TIGIT: variants seen among roughly 807,000 people sequenced by gnomAD.
The protein encoded by TIGIT is T cell immunoreceptor with Ig and ITIM domains.
Under a neutral mutation model 19.6 loss-of-function variants are expected in TIGIT, and 11 were observed. That is an observed-to-expected ratio of 0.56 (90% confidence interval 0.35 to 0.93). The LOEUF is 0.93. Among genes scored for constraint, TIGIT ranks in the 40% least tolerant of loss-of-function variants. The pLI is 0.01. For synonymous variants in TIGIT, 130 were observed against 125.5 expected (o/e 1.04, Z -0.24); for missense variants, 295 against 303.9 (o/e 0.97, Z 0.22).
Position 114,308,244 on chromosome 3 carries a change from T to G in TIGIT, c.*113T>G. On this transcript the variant is annotated 3_prime_UTR_variant, in exon 4 of 4. Coordinates refer to ENST00000383671, the MANE Select transcript of TIGIT (RefSeq NM_173799.4). ...GTGTGTGTGTGTGTGTGTATGTGTG[T>G]GTGTGTTCAGTTGAGTGAATAAATG... 1 of 792,126 alleles carries G rather than the reference T, an allele frequency of 1.3e-6. No homozygotes were observed. The highest frequency in any genetic ancestry group is 2.1e-6 in the Non-Finnish European group (1 of 473,364). 49.1% of individuals were successfully genotyped at this position (792,126 alleles called of 1,614,324 possible).
intron 3 of TIGIT, among the ~76,000 whole-genome samples, chr3:114,300,602 G>T (rs559723990): frequency 3.3e-5 from 5 of 152,004 alleles, no homozygotes; most frequent in African/African-American, 1.2e-4. Context: ...ATTTTCTGCC[G>T]CTGTAACAGA....
chr3:114,299,356 T>C (rs1224859240), intron 2 of TIGIT, among the ~76,000 whole-genome samples: 1 of 152,262 alleles, frequency 6.6e-6, no homozygotes, highest in African/African-American at 2.4e-5. Flanking sequence ...AATGTTAAAA[T>C]GACCTGCTCT....
chr3:114,303,316 A>G (rs1192166377), intron 3 of TIGIT, among the ~76,000 whole-genome samples: 2 of 151,722 alleles, frequency 1.3e-5, no homozygotes, highest in African/African-American at 4.8e-5. Context: ...CCCTTGTATC[A>G]TTCTTAACGC....
chr3:114,295,489 A>G (rs2078447080), intron 1 of TIGIT, 56 bp from the exon 2 acceptor site: 3 of 1,450,082 alleles, frequency 2.1e-6, no homozygotes, highest in Admixed American at 4.1e-5. Flanking sequence ...TTTTCTAGGA[A>G]GGTTGAAGGC....
chr3:114,303,630 T>TATATACATATATATGTATATATATATAC (rs1281900522), intron 3 of TIGIT, among the ~76,000 whole-genome samples: 1 of 115,892 alleles, frequency 8.6e-6, no homozygotes, highest in African/African-American at 3.2e-5. Flanking sequence ...TGTATATATA[T>TATATACATATATATGTATATATATATAC]ACACACACAC....
chr3:114,296,447 C>T (rs1351876216), intron 2 of TIGIT, among the ~76,000 whole-genome samples: 1 of 152,218 alleles, frequency 6.6e-6, no homozygotes, highest in Non-Finnish European at 1.5e-5. Flanking sequence ...GTTAAAAGCT[C>T]AGACTCTGAC....
chr3:114,304,019 AT>A (rs1486281688), intron 3 of TIGIT, among the ~76,000 whole-genome samples: 1 of 151,670 alleles, frequency 6.6e-6, no homozygotes, highest in Non-Finnish European at 1.5e-5. Context: ...GATGTTGAGC[AT>A]TTTTTCATAT....
In TIGIT at chr3:114,299,629, T is replaced by C. The variant is rs1487258754; in HGVS notation, c.424T>C (p.Leu142=). 10 of 1,613,412 alleles carry C rather than the reference T, an allele frequency of 6.2e-6. No homozygotes were observed. Among genetic ancestry groups the C allele is most frequent in the South Asian group, 1.1e-5 (1 of 91,050 alleles). Residue 142 remains leucine, a synonymous_variant, in exon 3 of 4, where the codon TTG becomes CTG. Transcript: ENST00000383671. ...GCACGGTGCCAGGTTCCAGATTCCA[T>C]TGCTTGGAGCCATGGCCGCGACGCT... The part of the protein sequence containing the change: ...AEHGARFQIP[L]LGAMAATLVV...
chr3:114,306,162 C>A (rs1175934310), intron 3 of TIGIT, among the ~76,000 whole-genome samples: 1 of 152,142 alleles, frequency 6.6e-6, no homozygotes, highest in Non-Finnish European at 1.5e-5. Flanking sequence ...TGTCCAAGGA[C>A]AGGATGAGAA....
chr3:114,305,862 A>G, intron 3 of TIGIT, among the ~76,000 whole-genome samples: 4 of 148,896 alleles, frequency 2.7e-5, no homozygotes, highest in Admixed American at 6.9e-5. Flanking sequence ...GGATGGATGG[A>G]TGGATAGATA....
Position 114,308,311 on chromosome 3 carries a change from T to C in TIGIT, c.*180T>C. On this transcript the variant is annotated 3_prime_UTR_variant, in exon 4 of 4. Transcript: ENST00000383671. ...CTTCATTTCCTTGGCCTTTTCGTTC[T>C]ATTCCATTTTGCATTATGGCAGGCC... The C allele has an allele frequency of 1.7e-6, 1 of 602,202 alleles. No individual in the cohort carries two copies. Among genetic ancestry groups the C allele is most frequent in the South Asian group, 2.1e-5 (1 of 47,260 alleles). The allele number at this position is 602,202 out of a possible 1,614,324, so 37.3% of individuals were successfully genotyped here.
intron 3 of TIGIT, among the ~76,000 whole-genome samples, chr3:114,300,313 A>G (rs2078484305): frequency 2.0e-5 from 3 of 152,000 alleles, no homozygotes; most frequent in Admixed American, 1.3e-4. Flanking sequence ...CTAGGAGTTC[A>G]AGGCTGCAGT....
chr3:114,305,758 G>C (rs1279041848), intron 3 of TIGIT, among the ~76,000 whole-genome samples: 1 of 151,584 alleles, frequency 6.6e-6, no homozygotes, highest in Non-Finnish European at 1.5e-5. Flanking sequence ...GTCTCCGGAG[G>C]GACAGAACCA....
intron 3 of TIGIT, among the ~76,000 whole-genome samples, chr3:114,301,238 C>T (rs1447698325): frequency 6.6e-6 from 1 of 152,146 alleles, no homozygotes; most frequent in African/African-American, 2.4e-5. Flanking sequence ...TTACCCCAGA[C>T]CCTCCACCTG....
intron 3 of TIGIT, among the ~76,000 whole-genome samples, chr3:114,304,161 G>C (rs2078515396): frequency 6.6e-6 from 1 of 151,052 alleles, no homozygotes; most frequent in African/African-American, 2.4e-5. Context: ...GTCCTTTGTT[G>C]GATATATAAT....
intron 3 of TIGIT, 52 bp downstream of exon 3, chr3:114,299,755 C>T: frequency 7.9e-7 from 1 of 1,264,736 alleles, no homozygotes; most frequent in Non-Finnish European, 1.1e-6. Context: ...CGTCTGGCAC[C>T]CGGGTCCTTT....
Position 114,309,684 on chromosome 3 carries a change from G to C in TIGIT, c.*1553G>C, listed in dbSNP as rs564732696. 1.3e-5 allele frequency: 2 copies of C among 152,274 alleles called. No homozygotes were observed. Among genetic ancestry groups the C allele is most frequent in the Middle Eastern group, 3.4e-3 (1 of 294 alleles). 9.4% of individuals were successfully genotyped at this position (152,274 alleles called of 1,614,324 possible). A position where few individuals can be genotyped will look rare whatever the true frequency, so the allele number is the denominator to read the frequency against. On this transcript the variant is annotated 3_prime_UTR_variant, in exon 4 of 4. Coordinates refer to ENST00000383671, the MANE Select transcript of TIGIT (RefSeq NM_173799.4). ...ATTAGATGAACGTAAAAATGTTGTT[G>C]TTTGCTGTGGCAGTTTACAGCATTT...
Position 114,308,172 on chromosome 3 carries a change from C to T in TIGIT, c.*41C>T. On this transcript the variant is annotated 3_prime_UTR_variant, in exon 4 of 4. Coordinates refer to ENST00000383671, the MANE Select transcript of TIGIT (RefSeq NM_173799.4). Reference sequence around the variant, plus strand: ...TCTGGAAGATACACTTTTGTCTTTGCTATTATAGATGAATATATAAGCAGC... The same window carrying T: ...TCTGGAAGATACACTTTTGTCTTTGTTATTATAGATGAATATATAAGCAGC... 5 of 1,543,150 alleles carry T rather than the reference C, an allele frequency of 3.2e-6. No homozygotes were observed. The highest frequency in any genetic ancestry group is 4.5e-6 in the Non-Finnish European group (5 of 1,118,996).
Position 114,308,123 on chromosome 3 carries a change from A to T in TIGIT, c.727A>T (p.Thr243Ser). The change falls in exon 4 of 4, where the codon ACT (threonine) becomes TCT (serine). Residue 243 changes from threonine to serine, a missense_variant. Thr to Ser is a moderately conservative substitution (Grantham distance 58). Coordinates refer to ENST00000383671, the MANE Select transcript of TIGIT (RefSeq NM_173799.4). ...GGGTAACTGCAGCTTCTTCACAGAG[A>T]CTGGTTAGCAACCAGAGGCATCTTC... ...SLGNCSFFTE[T>S]G The T allele has an allele frequency of 6.2e-7, 1 of 1,613,928 alleles. No individual in the cohort carries two copies. The highest frequency in any genetic ancestry group is 8.5e-7 in the Non-Finnish European group (1 of 1,179,898).
Sources: allele counts gnomAD v4.1 joint callset (sites outside exome capture counted in the v4.1 genomes callset), GRCh38; gene constraint gnomAD v4.1.1; transcripts MANE v1.5; gene names NCBI Gene and HGNC (gene_info 2026-07-23, HGNC 2026-07-21).